Variants in POLA1 observed in about 807,000 individuals in gnomAD.
The protein encoded by POLA1 is DNA polymerase alpha 1, catalytic subunit, also known as DNA polymerase alpha catalytic subunit.
POLA1 carries 15 observed loss-of-function variants against 124.0 expected under a neutral mutation model. That is an observed-to-expected ratio of 0.12 (90% CI 0.08 to 0.19). POLA1 has a LOEUF of 0.19. Ranked by LOEUF, POLA1 falls within the 10% of genes least tolerant of loss-of-function variation. The probability of loss-of-function intolerance (pLI) is 1.00; values close to 1 mark genes in which losing one functional copy is unlikely to be tolerated. For synonymous variants in POLA1, 408 were observed against 389.4 expected, an observed-to-expected ratio of 1.05 and a Z score of -0.56; for missense variants, 886 against 1,103.4, an observed-to-expected ratio of 0.80 and a Z score of 2.79.
At chrX:24,952,358 T>C (rs1392890770) in intron 36 of POLA1, among the ~76,000 whole-genome samples, 1 of 112,200 alleles carries the variant, frequency 8.9e-6, no homozygotes, top group African/African-American at 3.2e-5. Flanking sequence ...GCAGAATTAG[T>C]AGCACAAAGA....
At chrX:24,877,617 C>T (rs371958410) in intron 34 of POLA1, among the ~76,000 whole-genome samples, 12 of 111,855 alleles carry the variant, frequency 1.1e-4, no homozygotes, top group African/African-American at 2.6e-4. Context: ...TGTGCTAAGG[C>T]GTTTGCCACA....
At chrX:24,828,255 C>T (rs2147029116) in intron 32 of POLA1, among the ~76,000 whole-genome samples, 1 of 112,602 alleles carries the variant, frequency 8.9e-6, no homozygotes, top group African/African-American at 3.2e-5. Flanking sequence ...AAGTACTTTG[C>T]ATTTGTTATC....
At chrX:24,868,998 T>C (rs1351523497) in intron 34 of POLA1, among the ~76,000 whole-genome samples, 1 of 112,114 alleles carries the variant, frequency 8.9e-6, no homozygotes, top group African/African-American at 3.2e-5. Context: ...TGCAGTGGTG[T>C]GAACACAGCT....
chrX:24,695,443 G>C (rs1411623245), intron 1 of POLA1, among the ~76,000 whole-genome samples: 2 of 110,230 alleles, frequency 1.8e-5, no homozygotes, highest in African/African-American at 6.6e-5. Context: ...TCTGTAACTA[G>C]CTGTTACTAT....
At chrX:24,903,819 A>G (rs2047316209) in intron 35 of POLA1, among the ~76,000 whole-genome samples, 2 of 111,485 alleles carry the variant, frequency 1.8e-5, no homozygotes, top group South Asian at 3.8e-4. Flanking sequence ...ACCGAAAGCA[A>G]CTGTAAAACC....
chrX:24,913,990 T>C (rs2047492389), intron 35 of POLA1, among the ~76,000 whole-genome samples: 1 of 110,643 alleles, frequency 9.0e-6, no homozygotes, highest in African/African-American at 3.3e-5. Context: ...ATCGTACCAT[T>C]GCCCTCCAGC....
At chrX:24,858,580 T>C (rs1395592849) in intron 34 of POLA1, among the ~76,000 whole-genome samples, 3 of 112,217 alleles carry the variant, frequency 2.7e-5, no homozygotes, top group African/African-American at 9.7e-5. Flanking sequence ...CTAGGCTGCA[T>C]TTCTCAATAT....
At chrX:24,806,516 G>A (rs182811182) in intron 26 of POLA1, among the ~76,000 whole-genome samples, 97 of 110,958 alleles carry the variant, frequency 8.7e-4, no homozygotes, top group African/African-American at 3.0e-3. Flanking sequence ...CAGACTGGTT[G>A]TGGGTTGTCT....
In POLA1 at chrX:24,721,701, A is replaced by G. The variant is rs772521284; in HGVS notation, c.1088-1454A>G. Reference sequence around the variant, plus strand: ...ATCCTGACTGCACCTGGTTTCAGCTAGTAACTTTGGGGGGAATGTGATCTT... The same window carrying G: ...ATCCTGACTGCACCTGGTTTCAGCTGGTAACTTTGGGGGGAATGTGATCTT... On this transcript the variant is annotated intron_variant, in intron 10 of 36. Coordinates refer to ENST00000379068, the MANE Select transcript of POLA1 (RefSeq NM_001330360.2). 3.4e-4 allele frequency among the ~76,000 whole-genome samples: 38 copies of G among 112,132 alleles called. No individual in the cohort carries two copies. The South Asian group carries it at 0.01, about 31-fold the overall frequency.
At chrX:24,863,908 G>C (rs765987019) in intron 34 of POLA1, among the ~76,000 whole-genome samples, 1 of 110,206 alleles carries the variant, frequency 9.1e-6, no homozygotes, top group East Asian at 2.8e-4. Flanking sequence ...TTTTTCCCAA[G>C]TATTTTTAAG....
intron 1 of POLA1, among the ~76,000 whole-genome samples, chrX:24,697,942 AT>A (rs563410574): frequency 0.011 from 1,132 of 99,550 alleles, 16 homozygotes; most frequent in African/African-American, 0.03. Flanking sequence ...CTGTGGATGA[AT>A]TTTTTTTTTT....
intron 36 of POLA1, among the ~76,000 whole-genome samples, chrX:24,978,391 ACATATTACCTCATAT>A (rs2048389041): frequency 8.9e-6 from 1 of 111,840 alleles, no homozygotes; most frequent in Middle Eastern, 4.2e-3. Context: ...GATCTTTTTT[ACATATTACCTCATAT>A]TCCACCCAGG....
chrX:24,879,213 TTAATA>T (rs1381322309), intron 34 of POLA1, among the ~76,000 whole-genome samples: 3 of 111,446 alleles, frequency 2.7e-5, no homozygotes, highest in African/African-American at 9.8e-5. Flanking sequence ...CACTAAAACA[TTAATA>T]TAAGCACCAG....
chrX:24,766,722 G>T (rs1025574012), intron 26 of POLA1, among the ~76,000 whole-genome samples: 1 of 111,333 alleles, frequency 9.0e-6, no homozygotes, highest in African/African-American at 3.3e-5. Context: ...TTCCACATCT[G>T]TATCATTGCC....
At chrX:24,972,206 G>A (rs2048312462) in intron 36 of POLA1, among the ~76,000 whole-genome samples, 1 of 111,578 alleles carries the variant, frequency 9.0e-6, no homozygotes, top group Admixed American at 9.6e-5. Flanking sequence ...CCTGACCTCA[G>A]GTGATCCACC....
intron 16 of POLA1, 63 bp downstream of exon 16, chrX:24,732,517 C>A: frequency 1.5e-6 from 1 of 685,048 alleles, no homozygotes; most frequent in Non-Finnish European, 2.3e-6. Context: ...ATTTTTTCTC[C>A]AGCTATTGGA....
intron 32 of POLA1, among the ~76,000 whole-genome samples, chrX:24,832,123 C>T (rs2046271471): frequency 1.1e-5 from 1 of 93,798 alleles, no homozygotes; most frequent in South Asian, 5.5e-4. Flanking sequence ...CCTAGCTGGG[C>T]CCACCACGGA....
chrX:24,952,799 T>C (rs1478904880), intron 36 of POLA1, among the ~76,000 whole-genome samples: 2 of 110,647 alleles, frequency 1.8e-5, no homozygotes, highest in Non-Finnish European at 3.8e-5. Context: ...AGCCATCACT[T>C]AAAAGTTGGA....
intron 26 of POLA1, among the ~76,000 whole-genome samples, chrX:24,803,759 A>G (rs1260232407): frequency 9.1e-6 from 1 of 109,408 alleles, no homozygotes; most frequent in Non-Finnish European, 1.9e-5. Context: ...ATGAAGAGAC[A>G]TTTCTACATG....
Sources: gnomAD v4.1 joint callset for allele counts (sites outside exome capture counted in the v4.1 genomes callset) on GRCh38, gnomAD v4.1.1 for gene constraint, MANE v1.5 for transcripts, NCBI Gene and HGNC (gene_info 2026-07-23, HGNC 2026-07-21) for gene names.